The following RDH12 variants were observed in gnomAD, a reference collection of about 807,000 sequenced individuals.
The protein encoded by RDH12 is all-trans and 9-cis retinol dehydrogenase.
RDH12 carries 21 observed loss-of-function variants against 34.0 expected under a neutral mutation model. The ratio of observed to expected loss-of-function variants is 0.62; its 90% CI spans 0.44 to 0.89. The LOEUF is 0.89. Among genes scored for constraint, RDH12 ranks in the 40% least tolerant of loss-of-function variants. The pLI is 0.00. For missense variants in RDH12, 394 were observed against 398.6 expected (o/e 0.99, Z 0.10); for synonymous variants, 198 against 169.9 (o/e 1.17, Z -1.29).
At chr14:67,719,161 C>T (rs1393087676) in intron 1 of RDH12, among the ~76,000 whole-genome samples, 2 of 152,188 alleles carry the variant, frequency 1.3e-5, no homozygotes, top group Non-Finnish European at 2.9e-5. Flanking sequence ...CAATCATTGC[C>T]TATGGATGAC....
intron 1 of RDH12, chr14:67,717,717 A>G (rs61991866): frequency 0.45 from 68,314 of 152,122 alleles, 17,896 homozygotes; most frequent in Non-Finnish European, 0.61. Flanking sequence ...GGATGCTGGT[A>G]AAAATCCTCC....
chr14:67,729,527 T>C (rs2038239983), intron 8 of RDH12, 147 bp downstream of exon 8: 3 of 772,220 alleles, frequency 3.9e-6, no homozygotes, highest in Non-Finnish European at 6.7e-6. Flanking sequence ...GCCGTTGCTT[T>C]GTTAAGGAAA....
At chr14:67,712,040 C>G (rs1306635103) in intron 1 of RDH12, among the ~76,000 whole-genome samples, 1 of 152,090 alleles carries the variant, frequency 6.6e-6, no homozygotes, top group East Asian at 1.9e-4. Flanking sequence ...CTGCCTCAGC[C>G]CCCTGAGTAG....
intron 8 of RDH12, 143 bp from the exon 9 acceptor site, chr14:67,733,603 A>C (rs1294173222): frequency 1.7e-6 from 1 of 597,868 alleles, no homozygotes; most frequent in Non-Finnish European, 3.1e-6. Flanking sequence ...ATATTTTTGG[A>C]GTGCATTTTG....
chr14:67,725,105 G>A lies in RDH12; in HGVS notation c.194G>A (p.Arg65Gln), dbSNP rs745471670. The change falls in exon 5 of 9, where the codon CGA (arginine) becomes CAA (glutamine). Residue 65 changes from arginine to glutamine, a missense_variant. Arg to Gln is a conservative substitution (Grantham distance 43, BLOSUM62 1). Coordinates refer to ENST00000551171, the MANE Select transcript of RDH12 (RefSeq NM_152443.3). ...TTTTTTGTCTTGGACCCAGGAGCCC[G>A]AGTCTATATTGCCTGCAGAGATGTA... ...TARELASRGA[R>Q]VYIACRDVLK... 28 of 1,614,028 alleles carry A rather than the reference G, an allele frequency of 1.7e-5. No individual in the cohort carries two copies. The highest frequency in any genetic ancestry group is 1.6e-4 in the Middle Eastern group (1 of 6,084).
At chr14:67,731,763 G>C (rs1377472136) in intron 8 of RDH12, among the ~76,000 whole-genome samples, 1 of 152,080 alleles carries the variant, frequency 6.6e-6, no homozygotes, top group Non-Finnish European at 1.5e-5. Flanking sequence ...TACTTCCAGG[G>C]AGTTTTAGGG....
At chr14:67,713,016 C>T (rs756898061) in intron 1 of RDH12, among the ~76,000 whole-genome samples, 1 of 151,754 alleles carries the variant, frequency 6.6e-6, no homozygotes, top group Non-Finnish European at 1.5e-5. Context: ...TGGATTTGAT[C>T]AAGTTGGATA....
At chr14:67,719,278 T>C (rs1351992237) in intron 1 of RDH12, among the ~76,000 whole-genome samples, 1 of 152,186 alleles carries the variant, frequency 6.6e-6, no homozygotes, top group Non-Finnish European at 1.5e-5. Context: ...TCAGTATTAA[T>C]CAGTAACCTG....
In RDH12 at chr14:67,717,384, A is replaced by T. The variant is rs772446661; in HGVS notation, c.-274-3464A>T. On this transcript the variant is annotated intron_variant, in intron 1 of 8. Transcript: ENST00000551171. ...ACAGAATTAAGCTGGGAGAAGGTAA[A>T]GTTTCTAAGGACAGAAGGATTAGTA... 3.3e-5 allele frequency among the ~76,000 whole-genome samples: 5 copies of T among 152,180 alleles called. No individual in the cohort carries two copies. The South Asian group carries it at 1.0e-3, about 32-fold the overall frequency.
At chr14:67,704,990 C>T (rs1018365965) in intron 1 of RDH12, among the ~76,000 whole-genome samples, 9 of 152,166 alleles carry the variant, frequency 5.9e-5, no homozygotes, top group African/African-American at 2.2e-4. Context: ...TCTAGGTAGT[C>T]CAGGGAGGTC....
At position 67,727,126 on chromosome 14, in the gene RDH12, T is replaced by G; in HGVS notation, c.594T>G (p.Phe198Leu). The change falls in exon 7 of 9, where the codon TTT becomes TTG. Residue 198 changes from phenylalanine (F) to leucine (L), a missense_variant. By Grantham distance (22) the Phe-to-Leu change is conservative (BLOSUM62 0). Coordinates refer to ENST00000551171, the MANE Select transcript of RDH12 (RefSeq NM_152443.3). ...LQSEKRYSRG[F>L]AYCHSKLANV... is the part of the protein sequence containing the mutation. ...GCGAGAAGCGCTACAGCAGGGGTTT[T>G]GCCTATTGCCACAGCAAGCTGGCCA... 1 of 1,614,200 alleles carries G rather than the reference T, an allele frequency of 6.2e-7. No individual in the cohort carries two copies. The highest frequency in any genetic ancestry group is 8.5e-7 in the Non-Finnish European group (1 of 1,180,034).
chr14:67,731,335 C>G (rs1013394415), intron 8 of RDH12, among the ~76,000 whole-genome samples: 2 of 151,268 alleles, frequency 1.3e-5, no homozygotes, highest in Non-Finnish European at 2.9e-5. Context: ...CTGCCTCAGC[C>G]TCCCGAGTAG....
At chr14:67,708,492 G>A (rs1391147714) in intron 1 of RDH12, among the ~76,000 whole-genome samples, 1 of 152,112 alleles carries the variant, frequency 6.6e-6, no homozygotes, top group African/African-American at 2.4e-5. Flanking sequence ...ACAATTGTCT[G>A]TGGATGATGA....
chr14:67,732,421 C>T (rs1324476233), intron 8 of RDH12, among the ~76,000 whole-genome samples: 2 of 89,014 alleles, frequency 2.2e-5, no homozygotes, highest in East Asian at 8.1e-4. Context: ...TGAAGTGAGA[C>T]CCTATCTCAA....
intron 8 of RDH12, among the ~76,000 whole-genome samples, chr14:67,730,649 G>A (rs1273536836): frequency 6.6e-6 from 1 of 152,074 alleles, no homozygotes; most frequent in East Asian, 1.9e-4. Context: ...TGTCACTCAG[G>A]CTGGAGGGCA....
chr14:67,713,855 A>G (rs997028847), intron 1 of RDH12, among the ~76,000 whole-genome samples: 2 of 152,174 alleles, frequency 1.3e-5, no homozygotes, highest in African/African-American at 2.4e-5. Context: ...AACTCGAAGC[A>G]GGGAGGGGGC....
intron 1 of RDH12, among the ~76,000 whole-genome samples, chr14:67,717,479 C>G (rs2038080673): frequency 6.6e-6 from 1 of 152,222 alleles, no homozygotes; most frequent in Non-Finnish European, 1.5e-5. Context: ...GTTAGCTTGG[C>G]TACAGCTGAG....
Position 67,724,604 on chromosome 14 carries a change from C to T in RDH12, c.187+13C>T. 6.3e-7 allele frequency: 1 copy of T among 1,587,740 alleles called. No individual in the cohort carries two copies. The highest frequency in any genetic ancestry group is 8.6e-7 in the Non-Finnish European group (1 of 1,156,332). On this transcript the variant is annotated intron_variant, in intron 4 of 8. Transcript: ENST00000551171. Reference sequence around the variant, plus strand: ...CTCGCTAGCCGAGGTAAGTGTTTCCCCTTTAGTCTCCAAAGGGCCATGCCT... The same window carrying T: ...CTCGCTAGCCGAGGTAAGTGTTTCCTCTTTAGTCTCCAAAGGGCCATGCCT...
intron 6 of RDH12, among the ~76,000 whole-genome samples, chr14:67,726,462 A>T (rs1015102340): frequency 6.6e-6 from 1 of 152,218 alleles, no homozygotes; most frequent in Admixed American, 6.5e-5. Flanking sequence ...TTATGCAGGC[A>T]TCTGGGCTTG....
Sources: gnomAD v4.1 joint callset for allele counts (sites outside exome capture counted in the v4.1 genomes callset) on GRCh38, gnomAD v4.1.1 for gene constraint, MANE v1.5 for transcripts, NCBI Gene and HGNC (gene_info 2026-07-23, HGNC 2026-07-21) for gene names.